ATG2B: variants seen among roughly 807,000 people sequenced by gnomAD.
ATG2B encodes autophagy-related protein 2 homolog B.
Under a neutral mutation model 241.3 loss-of-function variants are expected in ATG2B, and 121 were observed. That is an observed-to-expected ratio of 0.50 (90% CI 0.43 to 0.58). The LOEUF (loss-of-function observed/expected upper bound fraction) is 0.58. Among genes scored for constraint, ATG2B ranks in the 20% least tolerant of loss-of-function variants. The pLI is 0.00. For missense variants in ATG2B, 2,306 were observed against 2,491.6 expected (o/e 0.93, Z 1.59); for synonymous variants, 858 against 876.6 (o/e 0.98, Z 0.37).
chr14:96,334,550 T>C, intron 6 of ATG2B, 49 bp from the exon 7 acceptor site: 2 of 1,106,634 alleles, frequency 1.8e-6, no homozygotes, highest in Non-Finnish European at 2.7e-6. Flanking sequence ...TTTATAACCT[T>C]ATCACCATAA....
intron 1 of ATG2B, among the ~76,000 whole-genome samples, chr14:96,348,355 G>T (rs61985188): frequency 0.039 from 5,989 of 152,216 alleles, 156 homozygotes; most frequent in Middle Eastern, 0.065. Flanking sequence ...GGGTAGCAGG[G>T]ATGGTTAATG....
intron 7 of ATG2B, 33 bp from the exon 8 acceptor site, chr14:96,333,906 A>G: frequency 6.3e-7 from 1 of 1,581,422 alleles, no homozygotes; most frequent in Admixed American, 1.7e-5. Context: ...CAAAACAGTA[A>G]TTAAATTTGG....
At chr14:96,317,562 T>A in intron 19 of ATG2B, 136 bp downstream of exon 19, 1 of 763,128 alleles carries the variant, frequency 1.3e-6, no homozygotes, top group East Asian at 2.8e-5. Flanking sequence ...GAAATATTCT[T>A]ATAAATTACT....
chr14:96,314,872 T>G (rs1237012874), intron 23 of ATG2B, among the ~76,000 whole-genome samples: 3 of 152,228 alleles, frequency 2.0e-5, no homozygotes, highest in Non-Finnish European at 2.9e-5. Context: ...AGCTAATTTT[T>G]GTATTTTTAG....
intron 1 of ATG2B, among the ~76,000 whole-genome samples, chr14:96,353,829 A>C (rs1888400683): frequency 1.3e-5 from 2 of 152,106 alleles, no homozygotes; most frequent in African/African-American, 2.4e-5. Flanking sequence ...TATAAATTAC[A>C]ATGGAATCTT....
At chr14:96,332,684 A>G in intron 8 of ATG2B, 29 bp from the exon 9 acceptor site, 1 of 1,501,154 alleles carries the variant, frequency 6.7e-7, no homozygotes, top group Non-Finnish European at 8.9e-7. Context: ...TGTCACTTGT[A>G]TTATAATCCC....
chr14:96,323,968 G>C lies in ATG2B; in HGVS notation c.2468C>G (p.Ser823Cys), dbSNP rs1352908777. Residue 823 changes from serine to cysteine, a missense_variant, in exon 16 of 42, where the codon TCT (serine) becomes TGT (cysteine). By Grantham distance (112) the Ser-to-Cys change is moderately radical. This residue lies in a region of ATG2B where 1,927 missense variants were observed against 2,011.2 expected (regional missense o/e 0.96). Coordinates refer to ENST00000359933, the MANE Select transcript of ATG2B (RefSeq NM_018036.7). ...GSFQEEKGDP[S>C]IKFFHVSSGV... Reference sequence around the variant, plus strand: ...ACTAGACACATGGAAAAACTTAATAGATGGATCTCCTTTCTCTTCCTGGAA... The same window carrying C: ...ACTAGACACATGGAAAAACTTAATACATGGATCTCCTTTCTCTTCCTGGAA... 1.2e-6 allele frequency: 2 copies of C among 1,609,138 alleles called. No individual in the cohort carries two copies. Among genetic ancestry groups the C allele is most frequent in the Non-Finnish European group, 1.7e-6 (2 of 1,178,290 alleles).
In ATG2B at chr14:96,295,181, G is replaced by A. The variant is rs766947363; in HGVS notation, c.5219-14C>T. On this transcript the variant is annotated splice_polypyrimidine_tract_variant and intron_variant, in intron 35 of 41. Transcript: ENST00000359933. The stretch of plus-strand genomic sequence containing the variant: ...GAGACTTTTTAACTGAAAATGTAAT[G>A]TGCATGTTTGAAAAATTAGATATGC... 6.3e-7 allele frequency: 1 copy of A among 1,599,380 alleles called. No homozygotes were observed. Among genetic ancestry groups the A allele is most frequent in the South Asian group, 1.1e-5 (1 of 89,380 alleles).
rs944380999 is a variant in ATG2B at position 96,284,930 on chromosome 14, T to C, written c.*825A>G. ...ACACATTCCTAACAAGCCTGCACTA[T>C]ACCTGCTTAAAACTGAAAATATAAA... On this transcript the variant is annotated 3_prime_UTR_variant, in exon 42 of 42. Transcript: ENST00000359933. The C allele has an allele frequency of 6.6e-6, 1 of 152,214 alleles. No homozygotes were observed. Among genetic ancestry groups the C allele is most frequent in the African/African-American group, 2.4e-5 (1 of 41,454 alleles). The allele number at this position is 152,214 out of a possible 1,614,324, so 9.4% of individuals were successfully genotyped here.
chr14:96,305,471 C>A, intron 31 of ATG2B, 118 bp downstream of exon 31: 2 of 638,168 alleles, frequency 3.1e-6, no homozygotes, highest in Non-Finnish European at 2.6e-6. Flanking sequence ...ATTAATAATT[C>A]TTAAAATGAT....
intron 16 of ATG2B, 96 bp from the exon 17 acceptor site, chr14:96,322,831 T>G: frequency 1.0e-6 from 1 of 972,866 alleles, no homozygotes; most frequent in South Asian, 1.8e-5. Flanking sequence ...ACTGGTTAAA[T>G]CTTAATGATA....
intron 34 of ATG2B, 110 bp from the exon 35 acceptor site, chr14:96,295,670 G>T: frequency 1.2e-5 from 7 of 591,690 alleles, no homozygotes; most frequent in East Asian, 3.4e-5. Context: ...TTCAAATATA[G>T]CTACAATTTA....
At chr14:96,307,428 C>A (rs28581951) in intron 29 of ATG2B, among the ~76,000 whole-genome samples, 35,631 of 148,564 alleles carry the variant, frequency 0.24, 4,491 homozygotes, top group Non-Finnish European at 0.28. Flanking sequence ...AACAAACAAA[C>A]AAAAAACAAC....
rs1392519765 is a variant in ATG2B at position 96,341,683 on chromosome 14, A to G, written c.763T>C (p.Ser255Pro). ...TAPVETEPKL[S>P]PSWNPKIIYE... ...ATAATTTTGGGGTTCCAGCTAGGTG[A>G]GAGCTTTGGCTCAGTTTCCTACAAT... The change falls in exon 6 of 42, where the codon TCA (serine) becomes CCA (proline). Residue 255 changes from serine (S) to proline (P), a missense_variant. This residue lies in a region of ATG2B where 1,927 missense variants were observed against 2,011.2 expected (regional missense o/e 0.96). Coordinates refer to ENST00000359933, the MANE Select transcript of ATG2B (RefSeq NM_018036.7). 6.3e-7 allele frequency: 1 copy of G among 1,579,984 alleles called. No homozygotes were observed. Among genetic ancestry groups the G allele is most frequent in the Admixed American group, 1.7e-5 (1 of 57,586 alleles).
intron 18 of ATG2B, among the ~76,000 whole-genome samples, chr14:96,319,995 C>CA (rs1216537885): frequency 6.6e-6 from 1 of 151,910 alleles, no homozygotes; most frequent in Non-Finnish European, 1.5e-5. Context: ...CCTGAGAGAC[C>CA]AAAAAGTGGT....
intron 6 of ATG2B, among the ~76,000 whole-genome samples, chr14:96,336,514 A>C (rs534435485): frequency 1.6e-4 from 24 of 152,336 alleles, no homozygotes; most frequent in South Asian, 6.2e-4. Context: ...TAATATACAG[A>C]ACTCTAAAAG....
intron 1 of ATG2B, among the ~76,000 whole-genome samples, chr14:96,352,122 T>C (rs946155184): frequency 6.6e-6 from 1 of 152,094 alleles, no homozygotes; most frequent in Non-Finnish European, 1.5e-5. Context: ...TCCTGTAAGA[T>C]TATAATGGAG....
chr14:96,331,291 C>T, intron 11 of ATG2B, 85 bp downstream of exon 11: 1 of 1,319,954 alleles, frequency 7.6e-7, no homozygotes, highest in Non-Finnish European at 1.0e-6. Flanking sequence ...TAGGCAGATA[C>T]AAAAGTCCAC....
At chr14:96,342,604 C>G (rs905164506) in intron 5 of ATG2B, among the ~76,000 whole-genome samples, 2 of 151,790 alleles carry the variant, frequency 1.3e-5, no homozygotes, top group Non-Finnish European at 2.9e-5. Flanking sequence ...TGCCTGTAAT[C>G]CCAGCTACTC....
Sources: gnomAD v4.1 joint callset for allele counts (sites outside exome capture counted in the v4.1 genomes callset) on GRCh38, gnomAD v4.1.1 for gene constraint, gnomAD v4.1.1 regional missense constraint, MANE v1.5 for transcripts, NCBI Gene and HGNC (gene_info 2026-07-23, HGNC 2026-07-21) for gene names.